Variants in ORC1 observed in about 807,000 individuals in gnomAD.
The protein encoded by ORC1 is origin recognition complex, subunit 1 homolog.
A neutral mutation model predicts 98.9 loss-of-function variants in ORC1; 61 were observed. The observed-to-expected ratio is 0.62, with a 90% CI of 0.50 to 0.76. The LOEUF (loss-of-function observed/expected upper bound fraction) is 0.76, where lower values mean the gene tolerates loss of function less well. Ranked by LOEUF, ORC1 falls within the 30% of genes least tolerant of loss-of-function variation. The pLI is 0.00. For synonymous variants in ORC1, 385 were observed against 406.9 expected, an observed-to-expected ratio of 0.95 and a Z score of 0.65; for missense variants, 979 against 1,072.2, an observed-to-expected ratio of 0.91 and a Z score of 1.21.
intron 3 of ORC1, among the ~76,000 whole-genome samples, chr1:52,398,561 G>C (rs576995846): frequency 3.3e-5 from 5 of 151,850 alleles, no homozygotes; most frequent in Admixed American, 3.3e-4. Context: ...ACCATGCCTG[G>C]CCCAACATGT....
intron 14 of ORC1, 137 bp from the exon 15 acceptor site, chr1:52,375,736 T>C: frequency 1.3e-6 from 1 of 786,338 alleles, no homozygotes; most frequent in South Asian, 1.4e-5. Flanking sequence ...AGAATAGAAA[T>C]GAATTATTAC....
intron 7 of ORC1, 101 bp from the exon 8 acceptor site, chr1:52,388,738 T>C (rs1647176078): frequency 9.7e-7 from 1 of 1,026,988 alleles, no homozygotes; most frequent in East Asian, 2.4e-5. Context: ...GGGTCCCTCC[T>C]GTGACCAGGT....
At position 52,383,546 on chromosome 1, in the gene ORC1, T is replaced by C. The variant is rs922251879; in HGVS notation, c.1887A>G (p.Lys629=). The change falls in exon 13 of 17, where the codon AAA becomes AAG. Residue 629 remains lysine (K), a synonymous_variant. Transcript: ENST00000371568. ...VDELDLLWTH[K]QDIMYNLFDW... is the part of the protein sequence containing the mutation. ...CAAAGAGATTGTACATTATGTCTTGTTTGTGAGTCCACAGAAGGTCGAGCT... is the reference window on the plus strand; with the variant it reads ...CAAAGAGATTGTACATTATGTCTTGCTTGTGAGTCCACAGAAGGTCGAGCT... 5.0e-6 allele frequency: 8 copies of C among 1,614,060 alleles called. No homozygotes were observed. Among genetic ancestry groups the C allele is most frequent in the Non-Finnish European group, 5.9e-6 (7 of 1,180,040 alleles).
intron 1 of ORC1, among the ~76,000 whole-genome samples, chr1:52,402,929 C>A (rs1647791252): frequency 6.6e-6 from 1 of 152,142 alleles, no homozygotes; most frequent in Non-Finnish European, 1.5e-5. Context: ...ATGTTATTAT[C>A]ACTTCAAGGT....
intron 8 of ORC1, among the ~76,000 whole-genome samples, chr1:52,387,642 G>A (rs559801604): frequency 6.6e-6 from 1 of 152,242 alleles, no homozygotes; most frequent in South Asian, 2.1e-4. Context: ...ATTTTAAGCA[G>A]AGACAGGGTT....
upstream of ORC1, among the ~76,000 whole-genome samples, chr1:52,406,759 G>A (rs1260430068): frequency 4.6e-5 from 7 of 152,146 alleles, no homozygotes; most frequent in Admixed American, 2.6e-4. Context: ...TAAGGGCTTT[G>A]CATATAATAA....
rs867351895 is a variant in ORC1, at chr1:52,382,401, A to T, written c.2014-640T>A. On this transcript the variant is annotated intron_variant, in intron 13 of 16. Transcript: ENST00000371568. ...TTGAAGTGGGTGAGAGGATCTTCAG[A>T]TCTATGCTATACATTGTCACTGCAC... is the stretch of plus-strand genomic sequence containing the variant. Among the ~76,000 whole-genome samples, 6 of 152,224 alleles carry T rather than the reference A, an allele frequency of 3.9e-5. No individual in the cohort carries two copies. In the South Asian group the frequency reaches 6.2e-4, roughly 16 times the overall value.
At chr1:52,381,101 G>A (rs1329082280) in intron 14 of ORC1, among the ~76,000 whole-genome samples, 2 of 152,212 alleles carry the variant, frequency 1.3e-5, no homozygotes, top group Non-Finnish European at 2.9e-5. Flanking sequence ...AGCAGCCGGG[G>A]AGACTAGTCT....
chr1:52,402,267 ATTTGG>A, intron 1 of ORC1, 39 bp from the exon 2 acceptor site: 8 of 1,468,562 alleles, frequency 5.4e-6, no homozygotes, highest in Non-Finnish European at 7.6e-6. Flanking sequence ...CATGATAAAT[ATTTGG>A]TATTTATCTG....
Position 52,385,230 on chromosome 1 carries a change from G to A in ORC1, c.1514C>T (p.Pro505Leu). Residue 505 changes from proline to leucine, a missense_variant, in exon 10 of 17, where the codon CCC (proline) becomes CTC (leucine). Transcript: ENST00000371568. ...GTCTTGGAATTCCTGTTCCCGACAGGGAAGAGACTCAGGTACAGCAGAAAC... is the reference window on the plus strand; with the variant it reads ...GTCTTGGAATTCCTGTTCCCGACAGAGAAGAGACTCAGGTACAGCAGAAAC... ...LHVSAVPESL[P>L]CREQEFQDIY... 4 of 1,613,894 alleles carry A rather than the reference G, an allele frequency of 2.5e-6. No individual in the cohort carries two copies. Among genetic ancestry groups the A allele is most frequent in the African/African-American group, 1.3e-5 (1 of 75,048 alleles).
Position 52,396,300 on chromosome 1 carries a change from A to G in ORC1, c.467T>C (p.Val156Ala), listed in dbSNP as rs1489375114. Reference protein sequence around the residue: ...TNLKNEKTLFVKLSWNEKKFR... With the variant: ...TNLKNEKTLFAKLSWNEKKFR... Reference sequence around the variant, plus strand: ...TTTCTTCTCATTCCAGGATAGTTTCACAAAGAGTGTCTTCTCATTTTTCAG... The same window carrying G: ...TTTCTTCTCATTCCAGGATAGTTTCGCAAAGAGTGTCTTCTCATTTTTCAG... Residue 156 changes from valine (V) to alanine (A), a missense_variant, in exon 5 of 17, where the codon GTG becomes GCG. Transcript: ENST00000371568. 6.2e-7 allele frequency: 1 copy of G among 1,614,208 alleles called. No individual in the cohort carries two copies. The highest frequency in any genetic ancestry group is 1.1e-5 in the South Asian group (1 of 91,088).
chr1:52,396,525 G>A (rs142062720), intron 4 of ORC1, among the ~76,000 whole-genome samples, 161 bp from the exon 5 acceptor site: 331 of 152,208 alleles, frequency 2.2e-3, no homozygotes, highest in South Asian at 8.7e-3. Flanking sequence ...CATATTGCTA[G>A]AAAAACACAT....
intron 4 of ORC1, among the ~76,000 whole-genome samples, chr1:52,396,693 C>T (rs1226428658): frequency 1.3e-5 from 2 of 152,102 alleles, no homozygotes. Context: ...CATCCTCTCA[C>T]TCCTGGGTTA....
chr1:52,401,320 T>C (rs761514231), intron 3 of ORC1, 42 bp downstream of exon 3: 3 of 1,612,858 alleles, frequency 1.9e-6, no homozygotes, highest in South Asian at 2.2e-5. Flanking sequence ...CTCCCAATCA[T>C]TCATGACAAG....
rs1430643858 is a variant in ORC1, at chr1:52,384,707, G to A, written c.1598C>T (p.Ser533Phe). 6.2e-7 allele frequency: 1 copy of A among 1,613,642 alleles called. No individual in the cohort carries two copies. The highest frequency in any genetic ancestry group is 8.5e-7 in the Non-Finnish European group (1 of 1,179,942). ...AGTCTTCCCTGTCCCAGGGACACCG[G>A]AGATGTACATGCACCTAGAGCAAGA... is the stretch of plus-strand genomic sequence containing the variant. The part of the protein sequence containing the change: ...LDHTGGCMYI[S>F]GVPGTGKTAT... The change falls in exon 11 of 17, where the codon TCC becomes TTC. Residue 533 changes from serine to phenylalanine, a missense_variant. Transcript: ENST00000371568.
At chr1:52,398,286 C>T (rs1423332569) in intron 3 of ORC1, among the ~76,000 whole-genome samples, 4 of 125,808 alleles carry the variant, frequency 3.2e-5, no homozygotes, top group African/African-American at 1.2e-4. Flanking sequence ...TTTTTTGTGA[C>T]GGAGTCTTGC....
chr1:52,383,501 C>T lies in ORC1; in HGVS notation c.1932G>A (p.Glu644=), dbSNP rs149159310. The change falls in exon 13 of 17, where the codon GAG becomes GAA. Residue 644 remains glutamate (E), a synonymous_variant. Transcript: ENST00000371568. ...CAATTGCCAGGACCACAAGCCGGGC[C>T]TCCTTATGAGTGGGCCAGTCAAAGA... ...YNLFDWPTHK[E]ARLVVLAIAN... 35 of 1,613,724 alleles carry T rather than the reference C, an allele frequency of 2.2e-5. No homozygotes were observed. In the African/African-American group the frequency reaches 2.8e-4, roughly 13 times the overall value.
intron 14 of ORC1, among the ~76,000 whole-genome samples, chr1:52,379,274 C>T (rs1405939846): frequency 4.1e-5 from 6 of 146,728 alleles, no homozygotes; most frequent in African/African-American, 1.0e-4. Flanking sequence ...GACGGAGTCT[C>T]GCTCTGTCTC....
chr1:52,375,359 G>T, intron 15 of ORC1, 71 bp downstream of exon 15: 1 of 1,377,708 alleles, frequency 7.3e-7, no homozygotes, highest in Non-Finnish European at 1.0e-6. Context: ...CAGGTTGAAT[G>T]AGTAAAAGCT....
Sources: allele counts gnomAD v4.1 joint callset (sites outside exome capture counted in the v4.1 genomes callset), GRCh38; gene constraint gnomAD v4.1.1; transcripts MANE v1.5; gene names NCBI Gene and HGNC (gene_info 2026-07-23, HGNC 2026-07-21).